Variants in PLCZ1 observed in about 807,000 individuals in gnomAD.
PLCZ1 encodes the protein 1-phosphatidylinositol 4,5-bisphosphate phosphodiesterase zeta-1.
PLCZ1 carries 64 observed loss-of-function variants against 76.8 expected under a neutral mutation model. The ratio of observed to expected loss-of-function variants is 0.83; its 90% CI spans 0.68 to 1.03. The LOEUF (loss-of-function observed/expected upper bound fraction) is 1.03. Among genes scored for constraint, PLCZ1 ranks in the 50% least tolerant of loss-of-function variants. The probability of loss-of-function intolerance (pLI) is 0.00; values close to 1 mark genes in which losing one functional copy is unlikely to be tolerated. For missense variants in PLCZ1, 751 were observed against 713.7 expected (o/e 1.05, Z -0.60); for synonymous variants, 248 against 230.8 (o/e 1.07, Z -0.68).
chr12:18,695,721 G>A (rs867164396), intron 11 of PLCZ1, among the ~76,000 whole-genome samples: 2 of 152,054 alleles, frequency 1.3e-5, no homozygotes, highest in Non-Finnish European at 2.9e-5. Flanking sequence ...AGTCTGGTGA[G>A]GGCAAATAAC....
At chr12:18,698,828 G>A (rs1343358360) in intron 10 of PLCZ1, among the ~76,000 whole-genome samples, 1 of 151,910 alleles carries the variant, frequency 6.6e-6, no homozygotes, top group East Asian at 1.9e-4. Flanking sequence ...ATAAACTATT[G>A]TTGACTGTAG....
At chr12:18,654,180 G>T in the PLCZ1 span, among the ~76,000 whole-genome samples, 1 of 151,452 alleles carries the variant, frequency 6.6e-6, no homozygotes, top group African/African-American at 2.4e-5. Flanking sequence ...AGCTGGAAGA[G>T]ATAACTATAA....
Position 18,701,446 on chromosome 12 carries a change from T to C in PLCZ1, c.1017+55A>G, listed in dbSNP as rs987407839. On this transcript the variant is annotated intron_variant, in intron 9 of 14. Coordinates refer to ENST00000266505, the MANE Select transcript of PLCZ1 (RefSeq NM_033123.4). ...AGAATTTTAAAAAAATCTCCAAGAA[T>C]AAAATTAGAAAACTTTCCAATCACT... 1.1e-5 allele frequency: 18 copies of C among 1,608,794 alleles called. No individual in the cohort carries two copies. The African/African-American group carries it at 2.1e-4, about 19-fold the overall frequency.
chr12:18,668,069 C>A, the PLCZ1 span, among the ~76,000 whole-genome samples: 6 of 152,176 alleles, frequency 3.9e-5, no homozygotes, highest in Non-Finnish European at 8.8e-5. Context: ...TTCGTCTCCA[C>A]TTAGCGTAAT....
chr12:18,658,571 T>A, the PLCZ1 span, among the ~76,000 whole-genome samples: 26 of 152,130 alleles, frequency 1.7e-4, no homozygotes, highest in Non-Finnish European at 2.8e-4. Flanking sequence ...GAGATCTATA[T>A]TTGATAAAAA....
At chr12:18,717,811 C>A (rs936220299) in intron 5 of PLCZ1, among the ~76,000 whole-genome samples, 1 of 152,150 alleles carries the variant, frequency 6.6e-6, no homozygotes, top group African/African-American at 2.4e-5. Context: ...TGGTCCCCAA[C>A]ATATGATGGT....
intron 2 of PLCZ1, 137 bp from the exon 3 acceptor site, chr12:18,736,481 G>C: frequency 8.4e-7 from 1 of 1,192,048 alleles, no homozygotes. Flanking sequence ...ATAATTGTAT[G>C]ATAAATATTT....
chr12:18,690,285 G>A (rs912367813), intron 12 of PLCZ1, among the ~76,000 whole-genome samples: 25 of 152,088 alleles, frequency 1.6e-4, no homozygotes, highest in Admixed American at 1.6e-3. Context: ...GTGCAACGGT[G>A]CGACCTCGGC....
chr12:18,689,369 T>C (rs1953710530), intron 12 of PLCZ1, among the ~76,000 whole-genome samples: 1 of 152,204 alleles, frequency 6.6e-6, no homozygotes, highest in Non-Finnish European at 1.5e-5. Flanking sequence ...GCGGGCCACA[T>C]GTGGCCCATG....
At chr12:18,701,644 C>G (rs1377051370) in intron 8 of PLCZ1, 48 bp downstream of exon 8, 6 of 1,598,128 alleles carry the variant, frequency 3.8e-6, no homozygotes, top group Non-Finnish European at 5.1e-6. Context: ...TCCTCCTCCT[C>G]CTCCTCCTCT....
At chr12:18,704,132 G>A (rs989391962) in intron 7 of PLCZ1, among the ~76,000 whole-genome samples, 23 of 152,202 alleles carry the variant, frequency 1.5e-4, no homozygotes, top group African/African-American at 5.5e-4. Context: ...AGGAAGTGGA[G>A]GTCGACAGTA....
chr12:18,686,357 G>A (rs1953153031), intron 13 of PLCZ1, among the ~76,000 whole-genome samples: 1 of 151,940 alleles, frequency 6.6e-6, no homozygotes, highest in African/African-American at 2.4e-5. Flanking sequence ...TGACACCTTA[G>A]CATGGCTTTT....
At chr12:18,699,496 C>T (rs1955590967) in intron 10 of PLCZ1, among the ~76,000 whole-genome samples, 2 of 152,130 alleles carry the variant, frequency 1.3e-5, no homozygotes, top group African/African-American at 4.8e-5. Context: ...CCCTCTGCAG[C>T]CCTGTCACTG....
At chr12:18,696,686 A>T (rs1362201635) in intron 10 of PLCZ1, among the ~76,000 whole-genome samples, 1 of 152,070 alleles carries the variant, frequency 6.6e-6, no homozygotes, top group African/African-American at 2.4e-5. Flanking sequence ...GGGCAGAATC[A>T]TATGGAAGTC....
At chr12:18,695,707 T>A (rs1954874645) in intron 11 of PLCZ1, among the ~76,000 whole-genome samples, 1 of 152,104 alleles carries the variant, frequency 6.6e-6, no homozygotes, top group African/African-American at 2.4e-5. Context: ...CAATTTGGAA[T>A]AAGAGTCTGG....
the PLCZ1 span, among the ~76,000 whole-genome samples, chr12:18,655,034 A>C: frequency 4.5e-5 from 6 of 132,716 alleles, no homozygotes; most frequent in Non-Finnish European, 8.0e-5. Flanking sequence ...AACAGTCTTA[A>C]AAGTATACAG....
At position 18,699,162 on chromosome 12, in the gene PLCZ1, T is replaced by C. The variant is rs536145904; in HGVS notation, c.1174+632A>G. Among the ~76,000 whole-genome samples the C allele has an allele frequency of 1.9e-3, 290 of 152,284 alleles. 1 individual carries two copies. Among genetic ancestry groups the C allele is most frequent in the Non-Finnish European group, 3.3e-3 (224 of 68,008 alleles). On this transcript the variant is annotated intron_variant, in intron 10 of 14. Transcript: ENST00000266505. The stretch of plus-strand genomic sequence containing the variant: ...AGATGGCACCTCTACAGGTGTGCAG[T>C]GGGGCATGCACACTCTGCACAGCCA...
At chr12:18,671,199 AAAAG>A in the PLCZ1 span, among the ~76,000 whole-genome samples, 95 of 151,756 alleles carry the variant, frequency 6.3e-4, no homozygotes, top group African/African-American at 2.2e-3. Flanking sequence ...AAAAAAAAAA[AAAAG>A]AAAGAAAGAA....
chr12:18,679,423 G>T (rs1004854757), downstream of PLCZ1, among the ~76,000 whole-genome samples: 2 of 151,862 alleles, frequency 1.3e-5, no homozygotes, highest in Non-Finnish European at 2.9e-5. Context: ...CATAACTTTA[G>T]CTTTTTCATT....
Sources: allele counts gnomAD v4.1 joint callset (sites outside exome capture counted in the v4.1 genomes callset), GRCh38; gene constraint gnomAD v4.1.1; transcripts MANE v1.5; gene names NCBI Gene and HGNC (gene_info 2026-07-23, HGNC 2026-07-21).